PCDH15: variants seen among roughly 807,000 people sequenced by gnomAD.
PCDH15 encodes the protein protocadherin related 15.
In PCDH15, 129 loss-of-function variants were observed where a neutral mutation model predicts 178.5. That is an observed-to-expected ratio of 0.72 (90% confidence interval 0.63 to 0.84). The LOEUF (loss-of-function observed/expected upper bound fraction) is 0.84. PCDH15 is among the 40% of genes least tolerant of loss of function. The pLI is 0.00. For missense variants in PCDH15, 2,230 were observed against 2,099.9 expected (o/e 1.06, Z -1.21); for synonymous variants, 800 against 732.0 (o/e 1.09, Z -1.50).
intron 2 of PCDH15, among the ~76,000 whole-genome samples, chr10:55,501,004 C>T (rs992707955): frequency 6.6e-6 from 1 of 151,712 alleles, no homozygotes; most frequent in Non-Finnish European, 1.5e-5. Context: ...ATCTTTAATA[C>T]CTGCAGATGT....
chr10:55,369,129 C>T (rs1442011369), intron 2 of PCDH15, among the ~76,000 whole-genome samples: 1 of 151,306 alleles, frequency 6.6e-6, no homozygotes, highest in Non-Finnish European at 1.5e-5. Flanking sequence ...ATATTTCTCA[C>T]AGCACCAAAT....
rs755226386 is a variant in PCDH15 at position 55,464,646 on chromosome 10, ATATATATATGTG to A, written c.-156+162967_-156+162978del. Reference sequence around the variant, plus strand: ...AGTAAATATATATATATATATATATATATATATATGTGTGTGTGTGTGTATATATATACATAT... The same window carrying A: ...AGTAAATATATATATATATATATATATGTGTGTGTGTATATATATACATAT... On this transcript the variant is annotated intron_variant, in intron 2 of 5. Coordinates refer to the PCDH15 transcript ENST00000613346. Among the ~76,000 whole-genome samples, 9 of 13,198 alleles carry A rather than the reference ATATATATATGTG, an allele frequency of 6.8e-4. No individual in the cohort carries two copies. The African/African-American group carries it at 0.013, about 20-fold the overall frequency. 8.7% of individuals were successfully genotyped at this position (13,198 alleles called of 152,430 possible).
intron 8 of PCDH15, among the ~76,000 whole-genome samples, chr10:54,301,258 T>A (rs2060133123): frequency 6.6e-6 from 1 of 152,130 alleles, no homozygotes; most frequent in Non-Finnish European, 1.5e-5. Flanking sequence ...TAAATCAGAC[T>A]CTTTGAGGTA....
At chr10:54,669,193 G>A (rs1159379246) in intron 1 of PCDH15, among the ~76,000 whole-genome samples, 1 of 151,742 alleles carries the variant, frequency 6.6e-6, no homozygotes, top group African/African-American at 2.4e-5. Flanking sequence ...CAGTACAGAG[G>A]GTACTTATCA....
intron 2 of PCDH15, chr10:55,468,611 A>C (rs1212897955): frequency 6.6e-6 from 1 of 152,200 alleles, no homozygotes; most frequent in African/African-American, 2.4e-5. Context: ...GAACAGTCTA[A>C]ATAAAGCATT....
At position 53,844,781 on chromosome 10, in the gene PCDH15, A is replaced by AGAAAATATTGG. The variant is rs2077869071; in HGVS notation, c.3807-4296_3807-4286dup. ...GACATAAAACTGTAAAACTACTAGTAGAAAATATTGGGAAGAGACTTCAGG... is the reference window on the plus strand; with the variant it reads ...GACATAAAACTGTAAAACTACTAGTAGAAAATATTGGGAAAATATTGGGAAGAGACTTCAGG... On this transcript the variant is annotated intron_variant, in intron 28 of 37. Transcript: ENST00000644397. Among the ~76,000 whole-genome samples, 3 of 152,182 alleles carry AGAAAATATTGG rather than the reference A, an allele frequency of 2.0e-5. No homozygotes were observed. The South Asian group carries it at 6.2e-4, about 32-fold the overall frequency.
intron 2 of PCDH15, among the ~76,000 whole-genome samples, chr10:55,416,997 C>G (rs750651598): frequency 6.6e-6 from 1 of 151,696 alleles, no homozygotes; most frequent in Non-Finnish European, 1.5e-5. Flanking sequence ...AAAAGGGTGT[C>G]AGTAAAAGAC....
intron 2 of PCDH15, among the ~76,000 whole-genome samples, chr10:55,155,291 T>C (rs573134765): frequency 6.6e-6 from 1 of 152,206 alleles, no homozygotes; most frequent in East Asian, 1.9e-4. Flanking sequence ...CTTATTGTTG[T>C]TTCAGATATA....
At chr10:54,585,114 A>G (rs2091355345) in intron 2 of PCDH15, among the ~76,000 whole-genome samples, 2 of 152,118 alleles carry the variant, frequency 1.3e-5, no homozygotes, top group South Asian at 2.1e-4. Context: ...GGGACTCTAG[A>G]TTTATAGGCT....
At chr10:55,527,069 A>G (rs944659080) in intron 2 of PCDH15, among the ~76,000 whole-genome samples, 15 of 152,022 alleles carry the variant, frequency 9.9e-5, no homozygotes, top group African/African-American at 3.1e-4. Context: ...GAATTAAAGG[A>G]GCTAGATGGA....
intron 3 of PCDH15, among the ~76,000 whole-genome samples, chr10:54,431,949 A>G (rs566918797): frequency 1.3e-5 from 2 of 152,108 alleles, no homozygotes; most frequent in East Asian, 3.9e-4. Context: ...AAATTTTAGA[A>G]ATAAAAAATT....
At chr10:55,166,449 T>C (rs1839200323) in intron 2 of PCDH15, 1 of 152,162 alleles carries the variant, frequency 6.6e-6, no homozygotes, top group Non-Finnish European at 1.5e-5. Context: ...CTTAAAGACA[T>C]TGAGCAATGC....
intron 2 of PCDH15, among the ~76,000 whole-genome samples, chr10:54,593,401 T>C (rs1003427421): frequency 1.3e-5 from 2 of 152,168 alleles, no homozygotes; most frequent in Non-Finnish European, 1.5e-5. Flanking sequence ...GGATATCCAG[T>C]TTTCTCAGCA....
chr10:54,242,633 C>A (rs72799021), intron 8 of PCDH15, among the ~76,000 whole-genome samples: 1 of 152,002 alleles, frequency 6.6e-6, no homozygotes, highest in African/African-American at 2.4e-5. Context: ...AATGACATTT[C>A]GCAGACTGAT....
intron 1 of PCDH15, among the ~76,000 whole-genome samples, chr10:55,179,238 G>A (rs1181491489): frequency 6.6e-6 from 1 of 152,066 alleles, no homozygotes; most frequent in Non-Finnish European, 1.5e-5. Flanking sequence ...CCGTCGGCAG[G>A]AAGCAGTTAG....
At chr10:54,241,726 A>G (rs114708228) in intron 8 of PCDH15, among the ~76,000 whole-genome samples, 1,624 of 152,200 alleles carry the variant, frequency 0.011, 38 homozygotes, top group African/African-American at 0.037. Context: ...TGTCAGAGCT[A>G]CATTCCCTGT....
At chr10:54,764,570 G>A (rs566766549) in intron 1 of PCDH15, among the ~76,000 whole-genome samples, 1 of 152,218 alleles carries the variant, frequency 6.6e-6, no homozygotes, top group Non-Finnish European at 1.5e-5. Context: ...GGCAATTTCA[G>A]TGTTGACTAT....
At chr10:53,849,587 G>T (rs1424448492) in intron 28 of PCDH15, among the ~76,000 whole-genome samples, 1 of 151,994 alleles carries the variant, frequency 6.6e-6, no homozygotes, top group African/African-American at 2.4e-5. Flanking sequence ...CAAATTGGCC[G>T]GACGCGGTGG....
chr10:54,749,807 G>A (rs1945960945), intron 1 of PCDH15, among the ~76,000 whole-genome samples: 1 of 152,164 alleles, frequency 6.6e-6, no homozygotes, highest in South Asian at 2.1e-4. Context: ...TGCTTGCTTG[G>A]TTTTGCTTTT....
Sources: allele counts gnomAD v4.1 joint callset (sites outside exome capture counted in the v4.1 genomes callset), GRCh38; gene constraint gnomAD v4.1.1; transcripts MANE v1.5; gene names NCBI Gene and HGNC (gene_info 2026-07-23, HGNC 2026-07-21).